Variants in NCALD observed in about 807,000 individuals in gnomAD.
The protein encoded by NCALD is neurocalcin delta, also known as neurocalcin-delta.
NCALD carries 10 observed loss-of-function variants against 18.6 expected under a neutral mutation model. The ratio of observed to expected loss-of-function variants is 0.54; its 90% CI spans 0.33 to 0.91. NCALD has a LOEUF of 0.91. NCALD is among the 40% of genes least tolerant of loss of function. NCALD has a pLI of 0.03. For synonymous variants in NCALD, 88 were observed against 87.4 expected (o/e 1.01, Z -0.04); for missense variants, 184 against 247.6 (o/e 0.74, Z 1.72).
chr8:101,826,980 C>T (rs903892375), intron 4 of NCALD, among the ~76,000 whole-genome samples: 3 of 152,192 alleles, frequency 2.0e-5, no homozygotes, highest in Non-Finnish European at 2.9e-5. Flanking sequence ...CCTGTGGCTG[C>T]TGTAACAATA....
At position 101,687,906 on chromosome 8, in the gene NCALD, G is replaced by A. The variant is rs972303609; in HGVS notation, c.*1403C>T. The A allele has an allele frequency of 6.6e-6, 1 of 152,142 alleles. No homozygotes were observed. The highest frequency in any genetic ancestry group is 1.5e-5 in the Non-Finnish European group (1 of 68,040). 9.4% of individuals were successfully genotyped at this position (152,142 alleles called of 1,614,324 possible). On this transcript the variant is annotated 3_prime_UTR_variant, in exon 4 of 4. Transcript: ENST00000220931. The stretch of plus-strand genomic sequence containing the variant: ...ATAGAAGTCTGCATTCAAAGAGCAC[G>A]GCAATGGAAAATACTTTTGGATTCT...
chr8:102,087,351 T>C (rs1391084729), intron 1 of NCALD, among the ~76,000 whole-genome samples: 2 of 151,992 alleles, frequency 1.3e-5, no homozygotes, highest in Non-Finnish European at 2.9e-5. Context: ...GAGATGATAC[T>C]GAAGAACCCC....
intron 1 of NCALD, among the ~76,000 whole-genome samples, chr8:102,038,661 A>G (rs1178120333): frequency 6.6e-6 from 1 of 152,034 alleles, no homozygotes; most frequent in African/African-American, 2.4e-5. Flanking sequence ...CCATTCCACA[A>G]TTTTCCCACA....
At chr8:102,115,087 T>G (rs1825744840) in intron 1 of NCALD, among the ~76,000 whole-genome samples, 1 of 152,174 alleles carries the variant, frequency 6.6e-6, no homozygotes. Flanking sequence ...ATTCTTAATT[T>G]TTTTAAACAA....
At chr8:102,103,769 C>T (rs968575874) in intron 1 of NCALD, among the ~76,000 whole-genome samples, 2 of 152,102 alleles carry the variant, frequency 1.3e-5, no homozygotes, top group African/African-American at 2.4e-5. Context: ...GAAGAAATAA[C>T]AATTGTTAAA....
intron 2 of NCALD, among the ~76,000 whole-genome samples, chr8:101,934,687 C>A (rs966305136): frequency 2.6e-5 from 4 of 151,774 alleles, no homozygotes; most frequent in Middle Eastern, 3.2e-3. Context: ...GAAAAAAAAA[C>A]AGATTGCAAA....
chr8:101,900,706 G>T (rs1817389054), intron 3 of NCALD, among the ~76,000 whole-genome samples: 2 of 151,902 alleles, frequency 1.3e-5, no homozygotes, highest in Non-Finnish European at 2.9e-5. Flanking sequence ...TTTGATTATA[G>T]CCAGAGAATA....
intron 1 of NCALD, among the ~76,000 whole-genome samples, chr8:101,740,185 A>T (rs1810124269): frequency 6.6e-6 from 1 of 152,240 alleles, no homozygotes; most frequent in South Asian, 2.1e-4. Context: ...AGAATCATGT[A>T]CAGGGTCTCT....
chr8:102,004,548 C>T (rs1417384258), intron 2 of NCALD, among the ~76,000 whole-genome samples: 25 of 152,208 alleles, frequency 1.6e-4, no homozygotes, highest in African/African-American at 5.3e-4. Context: ...TCATATGGAA[C>T]CAAAAAAGAG....
At chr8:102,060,233 GGCCTC>G in intron 1 of NCALD, among the ~76,000 whole-genome samples, 1 of 77,968 alleles carries the variant, frequency 1.3e-5, no homozygotes, top group Admixed American at 1.1e-4. Flanking sequence ...TGCCCGCCTT[GGCCTC>G]CCAAAATGCT....
At chr8:101,709,807 T>G (rs1366968916) in intron 2 of NCALD, among the ~76,000 whole-genome samples, 2 of 152,172 alleles carry the variant, frequency 1.3e-5, no homozygotes, top group African/African-American at 4.8e-5. Context: ...TCTTGAGTGG[T>G]GGGTTGACCT....
At chr8:101,692,946 C>A (rs1380801396) in intron 2 of NCALD, 50 bp from the exon 3 acceptor site, 2 of 1,349,066 alleles carry the variant, frequency 1.5e-6, no homozygotes, top group Non-Finnish European at 1.1e-6. Context: ...GTATGGCACA[C>A]AATAGACCTA....
intron 4 of NCALD, among the ~76,000 whole-genome samples, chr8:101,826,557 T>C (rs1813946118): frequency 1.3e-5 from 2 of 152,196 alleles, no homozygotes; most frequent in Admixed American, 1.3e-4. Flanking sequence ...GATAAAAGCT[T>C]GCTCTCAGTT....
chr8:101,738,618 G>A (rs1273870258), intron 1 of NCALD, among the ~76,000 whole-genome samples: 2 of 150,960 alleles, frequency 1.3e-5, no homozygotes, highest in South Asian at 2.1e-4. Flanking sequence ...AACACGGAAC[G>A]CCAAAAAACG....
intron 1 of NCALD, among the ~76,000 whole-genome samples, chr8:101,756,598 A>G (rs559698335): frequency 1.8e-4 from 28 of 152,344 alleles, no homozygotes; most frequent in Admixed American, 3.3e-4. Flanking sequence ...AATTAAGAGG[A>G]GGAAAAAGAA....
intron 4 of NCALD, among the ~76,000 whole-genome samples, chr8:101,868,572 C>G (rs1489354902): frequency 6.6e-6 from 1 of 152,194 alleles, no homozygotes; most frequent in Non-Finnish European, 1.5e-5. Flanking sequence ...CTTTCTGCAA[C>G]CAATCAGATG....
chr8:101,983,230 G>A (rs1484514068), intron 2 of NCALD, among the ~76,000 whole-genome samples: 2 of 152,268 alleles, frequency 1.3e-5, no homozygotes, highest in East Asian at 3.9e-4. Context: ...TAATTGATGG[G>A]CATGTTTTCT....
chr8:101,796,555 T>C (rs1812646315), intron 4 of NCALD, among the ~76,000 whole-genome samples: 1 of 151,956 alleles, frequency 6.6e-6, no homozygotes, highest in South Asian at 2.1e-4. Context: ...GTACAATAGA[T>C]GGGTTTAAGA....
chr8:101,749,000 G>T (rs960048754), intron 1 of NCALD, among the ~76,000 whole-genome samples: 6 of 152,132 alleles, frequency 3.9e-5, no homozygotes, highest in Non-Finnish European at 8.8e-5. Context: ...GTGTGCATGC[G>T]CGGTATGTGT....
Sources: allele counts gnomAD v4.1 joint callset (sites outside exome capture counted in the v4.1 genomes callset), GRCh38; gene constraint gnomAD v4.1.1; transcripts MANE v1.5; gene names NCBI Gene and HGNC (gene_info 2026-07-23, HGNC 2026-07-21).